Variants in ACTR3C observed in about 807,000 individuals in gnomAD.
ACTR3C encodes actin related protein 3C.
ACTR3C carries 18 observed loss-of-function variants against 26.3 expected under a neutral mutation model. That is an observed-to-expected ratio of 0.68 (90% CI 0.47 to 1.01). The LOEUF (loss-of-function observed/expected upper bound fraction) is 1.01. ACTR3C is among the 50% of genes least tolerant of loss of function. ACTR3C has a pLI of 0.00. For synonymous variants in ACTR3C, 55 were observed against 94.5 expected, an observed-to-expected ratio of 0.58 and a Z score of 2.42; for missense variants, 184 against 250.7, an observed-to-expected ratio of 0.73 and a Z score of 1.80.
the ACTR3C span, among the ~76,000 whole-genome samples, chr7:150,059,859 G>A: frequency 6.6e-6 from 1 of 152,140 alleles, no homozygotes; most frequent in Non-Finnish European, 1.5e-5. Flanking sequence ...GAGCTGCACA[G>A]GCCATGTAGC....
chr7:150,135,243 A>G, the ACTR3C span, among the ~76,000 whole-genome samples: 1 of 152,252 alleles, frequency 6.6e-6, no homozygotes, highest in Non-Finnish European at 1.5e-5. Flanking sequence ...CTGCGCTCCA[A>G]CCCGGGGGAC....
the ACTR3C span, among the ~76,000 whole-genome samples, chr7:150,067,786 A>T: frequency 1.1e-5 from 1 of 89,448 alleles, no homozygotes; most frequent in Non-Finnish European, 2.2e-5. Flanking sequence ...CCCACACAAC[A>T]AGGGGGTGGT....
At chr7:150,165,632 C>G in the ACTR3C span, among the ~76,000 whole-genome samples, 1 of 152,154 alleles carries the variant, frequency 6.6e-6, no homozygotes, top group Non-Finnish European at 1.5e-5. Flanking sequence ...CTGTGTGGCT[C>G]TCAACAGTGT....
the ACTR3C span, among the ~76,000 whole-genome samples, chr7:150,064,726 C>T: frequency 6.6e-6 from 1 of 151,606 alleles, no homozygotes; most frequent in South Asian, 2.1e-4. Context: ...TCATGCCATA[C>T]TCTCCTTTCA....
the ACTR3C span, among the ~76,000 whole-genome samples, chr7:150,122,720 C>T: frequency 1.2e-4 from 19 of 152,142 alleles, no homozygotes; most frequent in African/African-American, 4.6e-4. Context: ...TCACTTGACC[C>T]AGCAATCCCA....
the ACTR3C span, among the ~76,000 whole-genome samples, chr7:149,991,220 C>G: frequency 6.6e-6 from 1 of 152,184 alleles, no homozygotes; most frequent in African/African-American, 2.4e-5. Flanking sequence ...GAGAACAACA[C>G]AGGAAAGACC....
At chr7:150,000,251 T>C in the ACTR3C span, among the ~76,000 whole-genome samples, 1 of 151,022 alleles carries the variant, frequency 6.6e-6, no homozygotes, top group African/African-American at 2.4e-5. Context: ...ATTTAAAATG[T>C]TTTACTTTAT....
chr7:150,033,676 G>C, the ACTR3C span, among the ~76,000 whole-genome samples: 14 of 151,948 alleles, frequency 9.2e-5, no homozygotes, highest in African/African-American at 2.9e-4. Context: ...TGCCTCGCGG[G>C]GGGTGCCTCC....
At chr7:149,899,755 G>T in the ACTR3C span, among the ~76,000 whole-genome samples, 1 of 150,708 alleles carries the variant, frequency 6.6e-6, no homozygotes, top group African/African-American at 2.4e-5. Flanking sequence ...GCCAAATTTG[G>T]CAAGAAAAAA....
intron 1 of ACTR3C, among the ~76,000 whole-genome samples, chr7:150,307,725 G>A (rs975874618): frequency 6.2e-4 from 94 of 152,212 alleles, no homozygotes; most frequent in African/African-American, 2.0e-3. Context: ...GACTTGGTTC[G>A]GGGGACCTCC....
the ACTR3C span, among the ~76,000 whole-genome samples, chr7:150,130,681 T>C: frequency 6.6e-6 from 1 of 152,236 alleles, no homozygotes; most frequent in East Asian, 1.9e-4. Context: ...TGCCTATGCA[T>C]GAGTGTTCAT....
At chr7:150,087,044 T>G in the ACTR3C span, among the ~76,000 whole-genome samples, 5 of 152,046 alleles carry the variant, frequency 3.3e-5, no homozygotes, top group Admixed American at 6.6e-5. Context: ...AAGTAAGAAT[T>G]TTACAGTATT....
chr7:150,234,556 C>T, the ACTR3C span, among the ~76,000 whole-genome samples: 22 of 152,178 alleles, frequency 1.4e-4, no homozygotes, highest in African/African-American at 5.1e-4. Context: ...ATCACTCTCA[C>T]GCAACTCCAC....
At chr7:150,142,990 C>T in the ACTR3C span, among the ~76,000 whole-genome samples, 1 of 151,818 alleles carries the variant, frequency 6.6e-6, no homozygotes, top group Non-Finnish European at 1.5e-5. Context: ...CACATCACCT[C>T]ACCGGCTAAT....
At chr7:149,973,402 A>G in the ACTR3C span, among the ~76,000 whole-genome samples, 1 of 152,234 alleles carries the variant, frequency 6.6e-6, no homozygotes, top group Non-Finnish European at 1.5e-5. Flanking sequence ...GAAATGAGCT[A>G]TACCCCTAAC....
chr7:150,186,291 G>A, the ACTR3C span, among the ~76,000 whole-genome samples: 2 of 152,148 alleles, frequency 1.3e-5, no homozygotes, highest in African/African-American at 4.8e-5. Context: ...AAATATGTCA[G>A]GGAAATTTAT....
the ACTR3C span, among the ~76,000 whole-genome samples, chr7:150,221,492 A>G: frequency 6.6e-6 from 1 of 152,214 alleles, no homozygotes; most frequent in Admixed American, 6.5e-5. Flanking sequence ...GGATACAGCC[A>G]TATTATTTGA....
the ACTR3C span, among the ~76,000 whole-genome samples, chr7:150,169,587 G>T: frequency 6.6e-6 from 1 of 150,390 alleles, no homozygotes; most frequent in East Asian, 1.9e-4. Flanking sequence ...GAAGCCACCA[G>T]TCTGTGGTAG....
chr7:150,142,184 G>A, the ACTR3C span, among the ~76,000 whole-genome samples: 1 of 152,226 alleles, frequency 6.6e-6, no homozygotes, highest in Non-Finnish European at 1.5e-5. Flanking sequence ...GGGCTAGGGT[G>A]AGGTCTCCTC....
Sources: gnomAD v4.1 joint callset for allele counts (sites outside exome capture counted in the v4.1 genomes callset) on GRCh38, gnomAD v4.1.1 for gene constraint, MANE v1.5 for transcripts, NCBI Gene and HGNC (gene_info 2026-07-23, HGNC 2026-07-21) for gene names.